The following ASTL variants were observed in gnomAD, a reference collection of about 807,000 sequenced individuals.
ASTL encodes astacin-like metalloendopeptidase.
In ASTL, 27 loss-of-function variants were observed where a neutral mutation model predicts 36.7. That is an observed-to-expected ratio of 0.73 (90% CI 0.54 to 1.01). The LOEUF (loss-of-function observed/expected upper bound fraction) is 1.01. Ranked by LOEUF, ASTL falls within the 50% of genes least tolerant of loss-of-function variation. ASTL has a pLI of 0.00. For missense variants in ASTL, 524 were observed against 572.8 expected (o/e 0.91, Z 0.87); for synonymous variants, 222 against 228.1 (o/e 0.97, Z 0.24).
chr2:96,135,393 G>A lies in ASTL; in HGVS notation c.201C>T (p.Thr67=). 1.2e-6 allele frequency: 2 copies of A among 1,614,182 alleles called. No homozygotes were observed. Among genetic ancestry groups the A allele is most frequent in the Non-Finnish European group, 1.7e-6 (2 of 1,180,016 alleles). The part of the protein sequence containing the change: ...AINQGLILEE[T]PESSFLIEGD... Reference sequence around the variant, plus strand: ...CCTCGATGAGGAAGCTGCTCTCTGGGGTTTCTTCCAGGATGAGCCCTGGGA... The same window carrying A: ...CCTCGATGAGGAAGCTGCTCTCTGGAGTTTCTTCCAGGATGAGCCCTGGGA... Residue 67 remains threonine, a synonymous_variant, in exon 3 of 9, where the codon ACC becomes ACT. Transcript: ENST00000342380.
Position 96,123,950 on chromosome 2 carries a change from G to T in ASTL, c.1196C>A (p.Ser399Tyr), listed in dbSNP as rs1682009249. The change falls in exon 9 of 9, where the codon TCT becomes TAT. Residue 399 changes from serine to tyrosine, a missense_variant. Ser to Tyr is a moderately radical substitution (Grantham distance 144). Coordinates refer to ENST00000342380, the MANE Select transcript of ASTL (RefSeq NM_001002036.4). ...GACTGGCTGGATTCCTGCTTCTGAA[G>T]ATGGGACTGTGGGCTTGGTGGACAC... ...AGVSTKPTVPSSEAGIQPVPV... is the reference protein window; with the variant it reads ...AGVSTKPTVPYSEAGIQPVPV... The T allele has an allele frequency of 1.9e-6, 3 of 1,613,938 alleles. No homozygotes were observed. The highest frequency in any genetic ancestry group is 1.3e-5 in the African/African-American group (1 of 74,944).
At position 96,123,495 on chromosome 2, in the gene ASTL, A is replaced by G. The variant is rs1681998198; in HGVS notation, c.*355T>C. ...TGCTGGGGGGCAGGGCCTCAGGCAC[A>G]GGAGGGATTCCAGGGTTCTGCGGGG... On this transcript the variant is annotated 3_prime_UTR_variant, in exon 9 of 9. Coordinates refer to ENST00000342380, the MANE Select transcript of ASTL (RefSeq NM_001002036.4). 6.6e-6 allele frequency among the ~76,000 whole-genome samples: 1 copy of G among 152,180 alleles called. No homozygotes were observed. Among genetic ancestry groups the G allele is most frequent in the African/African-American group, 2.4e-5 (1 of 41,442 alleles).
Position 96,124,090 on chromosome 2 carries a change from T to C in ASTL, c.1056A>G (p.Lys352=). Residue 352 remains lysine, a synonymous_variant, in exon 9 of 9, where the codon AAA becomes AAG. Coordinates refer to ENST00000342380, the MANE Select transcript of ASTL (RefSeq NM_001002036.4). This position sits in a 1 kb window ranked among gnomAD's most constrained non-coding sequence, Gnocchi z 4.1. ...SPHGWESPAL[K]KLSAEASARQ... ...TTGCCGAGGCCTCTGCACTGAGCTTTTTCAGGGCAGGGGACTCCCACCCAT... is the reference window on the plus strand; with the variant it reads ...TTGCCGAGGCCTCTGCACTGAGCTTCTTCAGGGCAGGGGACTCCCACCCAT... 6.2e-7 allele frequency: 1 copy of C among 1,610,704 alleles called. No individual in the cohort carries two copies. The highest frequency in any genetic ancestry group is 8.5e-7 in the Non-Finnish European group (1 of 1,177,958).
intron 8 of ASTL, 47 bp downstream of exon 8, chr2:96,129,777 C>T: frequency 3.3e-6 from 5 of 1,502,268 alleles, no homozygotes; most frequent in Non-Finnish European, 4.5e-6. Context: ...CATTAGAGCA[C>T]AGGCGCCTTC....
chr2:96,138,470 CCAAGCCCCAG>C lies in ASTL; in HGVS notation c.-44_-35del, dbSNP rs1387054361. ...CCTGCTGCCCCTTCAGCAAACAAGA[CCAAGCCCCAG>C]CAAGACACAGTAACCTAATTGCAGA... is the stretch of plus-strand genomic sequence containing the variant. On this transcript the variant is annotated 5_prime_UTR_variant, in exon 1 of 9. Transcript: ENST00000342380. 3.1e-6 allele frequency: 5 copies of C among 1,590,210 alleles called. No individual in the cohort carries two copies. Among genetic ancestry groups the C allele is most frequent in the East Asian group, 2.3e-5 (1 of 44,272 alleles).
rs1682331692 is a variant in ASTL, at chr2:96,137,690, T to C, written c.66A>G (p.Leu22=). 1 of 1,612,696 alleles carries C rather than the reference T, an allele frequency of 6.2e-7. No homozygotes were observed. Among genetic ancestry groups the C allele is most frequent in the African/African-American group, 1.3e-5 (1 of 74,890 alleles). The change falls in exon 2 of 9, where the codon CTA becomes CTG. Residue 22 remains leucine (L), a synonymous_variant. Transcript: ENST00000342380. The part of the protein sequence containing the change: ...LGLLSLPGVI[L]GAPLASSCAG... ...CGCAGCTGGAGGCCAGGGGCGCTCCTAGGATCACACCTGGTCCAGACAGAC... is the reference window on the plus strand; with the variant it reads ...CGCAGCTGGAGGCCAGGGGCGCTCCCAGGATCACACCTGGTCCAGACAGAC...
intron 4 of ASTL, chr2:96,133,761 T>C: frequency 1.6e-6 from 1 of 640,448 alleles, no homozygotes; most frequent in Non-Finnish European, 2.8e-6. Flanking sequence ...GGGAACCAGA[T>C]CCCCACTCGA....
intron 6 of ASTL, among the ~76,000 whole-genome samples, chr2:96,131,006 C>A (rs1682167151): frequency 6.6e-6 from 1 of 152,162 alleles, no homozygotes; most frequent in Non-Finnish European, 1.5e-5. Context: ...CTGGCAGTTT[C>A]TGTACATGTT....
chr2:96,138,365 A>G lies in ASTL; in HGVS notation c.55+17T>C. The G allele has an allele frequency of 1.2e-6, 2 of 1,602,052 alleles. No homozygotes were observed. The highest frequency in any genetic ancestry group is 2.7e-5 in the African/African-American group (2 of 74,766). Reference sequence around the variant, plus strand: ...CAGGCTGGAGCCAGCAGCAGGAGGGACAGGCAGCCAGCTTACCTGGCAAGG... The same window carrying G: ...CAGGCTGGAGCCAGCAGCAGGAGGGGCAGGCAGCCAGCTTACCTGGCAAGG... On this transcript the variant is annotated intron_variant, in intron 1 of 8. Transcript: ENST00000342380.
intron 8 of ASTL, among the ~76,000 whole-genome samples, chr2:96,127,272 A>G (rs1180853534): frequency 6.6e-6 from 1 of 152,216 alleles, no homozygotes. Flanking sequence ...TTTGCATGCA[A>G]GATGACCTAG....
intron 8 of ASTL, among the ~76,000 whole-genome samples, chr2:96,126,996 T>C (rs1409809862): frequency 1.3e-5 from 2 of 152,204 alleles, no homozygotes; most frequent in African/African-American, 2.4e-5. Context: ...CTATTCATAA[T>C]AGCTGCAAAG....
intron 4 of ASTL, 58 bp downstream of exon 4, chr2:96,133,907 C>T (rs906790801): frequency 1.5e-5 from 17 of 1,167,890 alleles, no homozygotes; most frequent in Admixed American, 5.2e-5. Context: ...GAGAGGAACA[C>T]CTGCCGCATT....
chr2:96,133,152 G>A (rs1295868719), intron 5 of ASTL, among the ~76,000 whole-genome samples: 3 of 152,174 alleles, frequency 2.0e-5, no homozygotes, highest in African/African-American at 4.8e-5. Flanking sequence ...AGTGACTCAC[G>A]CACTGTCTGC....
chr2:96,128,186 C>T (rs1682100567), intron 8 of ASTL, among the ~76,000 whole-genome samples: 1 of 149,214 alleles, frequency 6.7e-6, no homozygotes, highest in Admixed American at 6.7e-5. Context: ...GAGCCAAGAT[C>T]GTGCCATTGC....
Position 96,133,999 on chromosome 2 carries a change from G to T in ASTL, c.303C>A (p.Val101=). The change falls in exon 4 of 9, where the codon GTC becomes GTA. Residue 101 remains valine (V), a synonymous_variant. Transcript: ENST00000342380. The part of the protein sequence containing the change: ...SNKWPMGGSG[V]VEVPFLLSSK... Reference sequence around the variant, plus strand: ...TGGAGAGCAGGAAGGGGACCTCCACGACACCACTACCACCCATGGGCCATT... The same window carrying T: ...TGGAGAGCAGGAAGGGGACCTCCACTACACCACTACCACCCATGGGCCATT... The T allele has an allele frequency of 6.2e-7, 1 of 1,613,930 alleles. No individual in the cohort carries two copies. Among genetic ancestry groups the T allele is most frequent in the Non-Finnish European group, 8.5e-7 (1 of 1,179,836 alleles).
At chr2:96,133,863 G>C (rs1368285715) in intron 4 of ASTL, 102 bp downstream of exon 4, 1 of 808,004 alleles carries the variant, frequency 1.2e-6, no homozygotes, top group Non-Finnish European at 2.1e-6. Flanking sequence ...GTGGGGAGGT[G>C]GAAGGGATGT....
Position 96,124,234 on chromosome 2 carries a change from C to A in ASTL, c.912G>T (p.Pro304=). 1.3e-6 allele frequency: 2 copies of A among 1,514,634 alleles called. No individual in the cohort carries two copies. Among genetic ancestry groups the A allele is most frequent in the Non-Finnish European group, 1.8e-6 (2 of 1,133,022 alleles). 93.8% of individuals were successfully genotyped at this position (1,514,634 alleles called of 1,614,324 possible). ...AAAGCCGCTGCAGAGATAGGGAGGC[C>A]GGAGCGGGGCTCCTACCAGTGCTGT... The part of the protein sequence containing the change: ...HAHSTGRSPA[P]ASLSLQRLLE... Residue 304 remains proline, a synonymous_variant, in exon 9 of 9, where the codon CCG becomes CCT. Transcript: ENST00000342380. This position sits in a 1 kb window ranked among gnomAD's most constrained non-coding sequence, Gnocchi z 4.1.
intron 8 of ASTL, 109 bp downstream of exon 8, chr2:96,129,715 C>T: frequency 8.8e-7 from 1 of 1,133,434 alleles, no homozygotes; most frequent in Non-Finnish European, 1.2e-6. Context: ...CCCGTGATCT[C>T]ACCCTGCTCC....
In ASTL at chr2:96,138,004, C is replaced by T. The variant is rs1047846300; in HGVS notation, c.56-304G>A. On this transcript the variant is annotated intron_variant, in intron 1 of 8. Coordinates refer to ENST00000342380, the MANE Select transcript of ASTL (RefSeq NM_001002036.4). ...AGGACAGACCTCGGGTTCTGACGCCCGTGACGGGCAGGGCCAGCCTCAGAC... is the reference window on the plus strand; with the variant it reads ...AGGACAGACCTCGGGTTCTGACGCCTGTGACGGGCAGGGCCAGCCTCAGAC... Among the ~76,000 whole-genome samples the T allele has an allele frequency of 1.2e-4, 18 of 152,168 alleles. 1 individual carries two copies. The highest frequency in any genetic ancestry group is 2.2e-4 in the Non-Finnish European group (15 of 68,026).
Sources: gnomAD v4.1 joint callset for allele counts (sites outside exome capture counted in the v4.1 genomes callset) on GRCh38, gnomAD v4.1.1 for gene constraint, Gnocchi (gnomAD v3.1) non-coding constraint, MANE v1.5 for transcripts, NCBI Gene and HGNC (gene_info 2026-07-23, HGNC 2026-07-21) for gene names.